The following SMC5 variants were observed in gnomAD, a reference collection of about 807,000 sequenced individuals.
The protein encoded by SMC5 is structural maintenance of chromosomes protein 5.
Under a neutral mutation model 148.3 loss-of-function variants are expected in SMC5, and 88 were observed. The observed-to-expected ratio is 0.59, with a 90% CI of 0.50 to 0.71. The LOEUF is 0.71. Ranked by LOEUF, SMC5 falls within the 30% of genes least tolerant of loss-of-function variation. The pLI, the probability that SMC5 is intolerant of heterozygous loss-of-function variation, is 0.00. For missense variants in SMC5, 1,142 were observed against 1,298.9 expected (o/e 0.88, Z 1.86); for synonymous variants, 421 against 432.8 (o/e 0.97, Z 0.34).
chr9:70,293,307 A>T (rs954060733), intron 8 of SMC5, among the ~76,000 whole-genome samples: 1 of 151,912 alleles, frequency 6.6e-6, no homozygotes, highest in African/African-American at 2.4e-5. Context: ...ACCCTATTTC[A>T]TTCCTGATAC....
chr9:70,348,723 A>G lies in SMC5; in HGVS notation c.2889+685A>G, dbSNP rs557679437. ...AAAAAGAATTTAAGAATTTATAAGA[A>G]TGGAAATAGTGGGAAATTTGCTACT... On this transcript the variant is annotated intron_variant, in intron 22 of 24. Coordinates refer to ENST00000361138, the MANE Select transcript of SMC5 (RefSeq NM_015110.4). 2.1e-4 allele frequency among the ~76,000 whole-genome samples: 32 copies of G among 152,254 alleles called. 2 individuals are homozygous for G. In the South Asian group the frequency reaches 6.2e-3, roughly 30 times the overall value.
At chr9:70,277,903 T>TA (rs897333866) in intron 4 of SMC5, among the ~76,000 whole-genome samples, 40 of 152,092 alleles carry the variant, frequency 2.6e-4, no homozygotes, top group African/African-American at 8.7e-4. Flanking sequence ...TTATTAAACA[T>TA]AAAAAATGCT....
At chr9:70,280,946 A>G (rs945453136) in intron 6 of SMC5, 47 bp downstream of exon 6, 1 of 1,600,546 alleles carries the variant, frequency 6.2e-7, no homozygotes, top group African/African-American at 1.3e-5. Flanking sequence ...TTTAAGTAGC[A>G]GAGTAATTAT....
chr9:70,288,849 T>G (rs182661990), intron 8 of SMC5, among the ~76,000 whole-genome samples: 46 of 152,262 alleles, frequency 3.0e-4, no homozygotes, highest in Admixed American at 3.0e-3. Flanking sequence ...AGACTTTTTT[T>G]TGGCTTTTAT....
intron 3 of SMC5, among the ~76,000 whole-genome samples, chr9:70,274,269 G>A (rs1038750578): frequency 5.3e-5 from 8 of 152,124 alleles, no homozygotes; most frequent in African/African-American, 1.9e-4. Context: ...TTTTAGTAGA[G>A]ATGGGGTTTC....
In SMC5 at chr9:70,289,251, T is replaced by TGGTCTCAAAGACCTGACCTCA. The variant is rs2034992961; in HGVS notation, c.1053+2981_1053+3001dup. Among the ~76,000 whole-genome samples the TGGTCTCAAAGACCTGACCTCA allele has an allele frequency of 6.6e-5, 10 of 152,288 alleles. No homozygotes were observed. The South Asian group carries it at 2.1e-3, about 32-fold the overall frequency. On this transcript the variant is annotated intron_variant, in intron 8 of 24. Transcript: ENST00000361138. ...CAGAGTTTCACCACGTTGGCCAGGCTGGTCTCAAAGACCTGACCTCAAGTG... is the reference window on the plus strand; with the variant it reads ...CAGAGTTTCACCACGTTGGCCAGGCTGGTCTCAAAGACCTGACCTCAGGTCTCAAAGACCTGACCTCAAGTG...
chr9:70,338,291 A>G (rs1188237128), intron 17 of SMC5, among the ~76,000 whole-genome samples: 1 of 152,206 alleles, frequency 6.6e-6, no homozygotes, highest in African/African-American at 2.4e-5. Context: ...GATTACAGGC[A>G]TGTGCCACCA....
At chr9:70,338,055 C>T (rs1413624986) in intron 17 of SMC5, among the ~76,000 whole-genome samples, 1 of 152,108 alleles carries the variant, frequency 6.6e-6, no homozygotes, top group Non-Finnish European at 1.5e-5. Context: ...TACTCTCTCA[C>T]CCAGGCTGAA....
intron 17 of SMC5, among the ~76,000 whole-genome samples, chr9:70,325,685 A>C (rs950323492): frequency 1.3e-5 from 2 of 152,194 alleles, no homozygotes; most frequent in African/African-American, 4.8e-5. Flanking sequence ...ATGTAACTAA[A>C]GCACATTTCT....
At position 70,264,318 on chromosome 9, in the gene SMC5, G is replaced by A. The variant is rs1194910276; in HGVS notation, c.200G>A (p.Cys67Tyr). 1 of 1,613,072 alleles carries A rather than the reference G, an allele frequency of 6.2e-7. No individual in the cohort carries two copies. Among genetic ancestry groups the A allele is most frequent in the Non-Finnish European group, 8.5e-7 (1 of 1,179,444 alleles). Residue 67 changes from cysteine to tyrosine, a missense_variant, in exon 2 of 25, where the codon TGT becomes TAT. Physicochemically the swap from Cys to Tyr is radical, Grantham distance 194 (BLOSUM62 -2). Transcript: ENST00000361138. ...TTATAATTCAGAACATATGATATTT[G>A]TGAAGTATCTCCTGGACCCCACTTG... ...SMENFLTYDI[C>Y]EVSPGPHLNM...
At chr9:70,305,403 A>T (rs2035471039) in intron 11 of SMC5, 43 bp downstream of exon 11, 1 of 1,134,980 alleles carries the variant, frequency 8.8e-7, no homozygotes, top group Non-Finnish European at 1.3e-6. Context: ...CTTGACACTT[A>T]CTTTCAGCAC....
rs2035246773 is a variant in SMC5 at position 70,297,960 on chromosome 9, T to A, written c.1054-6T>A. On this transcript the variant is annotated splice_polypyrimidine_tract_variant and splice_region_variant and intron_variant, in intron 8 of 24. Transcript: ENST00000361138. ...CTCAAGTACTAACCTACTTTTGTTTTATTAGATTGAGGAACTTCAGCAGGC... is the reference window on the plus strand; with the variant it reads ...CTCAAGTACTAACCTACTTTTGTTTAATTAGATTGAGGAACTTCAGCAGGC... 3 of 1,608,438 alleles carry A rather than the reference T, an allele frequency of 1.9e-6. No homozygotes were observed. The highest frequency in any genetic ancestry group is 8.5e-7 in the Non-Finnish European group (1 of 1,178,384).
chr9:70,333,573 A>C (rs1192526291), intron 17 of SMC5, among the ~76,000 whole-genome samples: 1 of 152,122 alleles, frequency 6.6e-6, no homozygotes, highest in African/African-American at 2.4e-5. Flanking sequence ...TCTACTAAAA[A>C]TACAAAAATT....
chr9:70,321,472 A>T (rs1342508347), intron 15 of SMC5, among the ~76,000 whole-genome samples: 2 of 149,386 alleles, frequency 1.3e-5, no homozygotes, highest in Admixed American at 1.3e-4. Context: ...AGCTCACTAC[A>T]GCTTTGAACT....
chr9:70,272,881 T>C (rs1282724267), intron 3 of SMC5, among the ~76,000 whole-genome samples: 4 of 152,214 alleles, frequency 2.6e-5, no homozygotes, highest in Non-Finnish European at 4.4e-5. Flanking sequence ...CTGTGTCTGA[T>C]ACTGCTGATA....
At chr9:70,317,174 C>T (rs185868685) in intron 13 of SMC5, among the ~76,000 whole-genome samples, 218 of 152,114 alleles carry the variant, frequency 1.4e-3, no homozygotes, top group African/African-American at 5.0e-3. Flanking sequence ...ATCCTCAATC[C>T]TTCTGTTTGA....
rs565313750 is a variant in SMC5, at chr9:70,278,570, T to G, written c.623T>G (p.Met208Arg). The change falls in exon 5 of 25, where the codon ATG (methionine) becomes AGG (arginine). Residue 208 changes from methionine (M) to arginine (R), a missense_variant. Around this residue, in one of 5 missense-constraint regions of SMC5, gnomAD observed 297 missense variants for 302.6 expected, o/e 0.98. Transcript: ENST00000361138. ...ATEKSIGPPE[M>R]HKYHCELKNL... Reference sequence around the variant, plus strand: ...GAAAAGTCAATTGGTCCCCCAGAAATGCACAAATATCACTGTGAACTCAAA... The same window carrying G: ...GAAAAGTCAATTGGTCCCCCAGAAAGGCACAAATATCACTGTGAACTCAAA... The G allele has an allele frequency of 5.0e-6, 8 of 1,612,022 alleles. No individual in the cohort carries two copies. In the South Asian group the frequency reaches 8.8e-5, roughly 18 times the overall value.
intron 2 of SMC5, among the ~76,000 whole-genome samples, chr9:70,265,129 A>AAGGAGG (rs778330854): frequency 6.6e-6 from 1 of 152,090 alleles, no homozygotes; most frequent in Non-Finnish European, 1.5e-5. Context: ...AGTCTTGAGA[A>AAGGAGG]AGGAGGAGGA....
intron 21 of SMC5, 23 bp from the exon 22 acceptor site, chr9:70,347,894 GTT>G (rs2036708302): frequency 1.3e-6 from 2 of 1,556,034 alleles, no homozygotes; most frequent in East Asian, 4.5e-5. Context: ...TTTAAATTGT[GTT>G]TTTATATTGC....
Sources: allele counts gnomAD v4.1 joint callset (sites outside exome capture counted in the v4.1 genomes callset), GRCh38; gene constraint gnomAD v4.1.1; regional missense constraint gnomAD v4.1.1; transcripts MANE v1.5; gene names NCBI Gene and HGNC (gene_info 2026-07-23, HGNC 2026-07-21).